The following OLA1 variants were observed in gnomAD, a reference collection of about 807,000 sequenced individuals.
OLA1 encodes Obg like ATPase 1.
OLA1 carries 14 observed loss-of-function variants against 48.4 expected under a neutral mutation model. That is an observed-to-expected ratio of 0.29 (90% confidence interval 0.19 to 0.45). The LOEUF is 0.45. OLA1 is among the 20% of genes least tolerant of loss of function. OLA1 has a pLI of 1.00. For synonymous variants in OLA1, 127 were observed against 150.4 expected (o/e 0.84, Z 1.14); for missense variants, 325 against 467.1 (o/e 0.70, Z 2.80).
At chr2:174,123,993 T>C (rs113352149) in intron 5 of OLA1, among the ~76,000 whole-genome samples, 2 of 152,258 alleles carry the variant, frequency 1.3e-5, no homozygotes, top group African/African-American at 4.8e-5. Flanking sequence ...TGATGCCATA[T>C]AGAAGACAAA....
intron 5 of OLA1, among the ~76,000 whole-genome samples, chr2:174,133,703 T>C (rs939423213): frequency 3.9e-5 from 6 of 152,194 alleles, no homozygotes; most frequent in Non-Finnish European, 7.3e-5. Context: ...AGCATCTGTA[T>C]TTAAGGTGTG....
chr2:174,242,813 T>C (rs1450781960), intron 2 of OLA1, among the ~76,000 whole-genome samples: 1 of 152,080 alleles, frequency 6.6e-6, no homozygotes, highest in East Asian at 1.9e-4. Flanking sequence ...ACCACAATAA[T>C]ACACTGCTCC....
At chr2:174,182,593 T>C (rs944282921) in intron 4 of OLA1, among the ~76,000 whole-genome samples, 1 of 152,152 alleles carries the variant, frequency 6.6e-6, no homozygotes, top group Non-Finnish European at 1.5e-5. Flanking sequence ...GAGGTATAAA[T>C]GGGTGTTGAG....
chr2:174,161,507 C>T lies in OLA1; in HGVS notation c.374-19507G>A, dbSNP rs993095935. Among the ~76,000 whole-genome samples, 20 of 152,120 alleles carry T rather than the reference C, an allele frequency of 1.3e-4. No individual in the cohort carries two copies. In the Middle Eastern group the frequency reaches 0.01, roughly 78 times the overall value. On this transcript the variant is annotated intron_variant, in intron 4 of 10. Coordinates refer to ENST00000284719, the MANE Select transcript of OLA1 (RefSeq NM_013341.5). Reference sequence around the variant, plus strand: ...TATATTGACCAGGAGCAGTGGTTCACGCCTATAATTAGCCAGGTATGGCAG... The same window carrying T: ...TATATTGACCAGGAGCAGTGGTTCATGCCTATAATTAGCCAGGTATGGCAG...
intron 4 of OLA1, among the ~76,000 whole-genome samples, chr2:174,147,358 CAG>C (rs200720110): frequency 0.055 from 8,348 of 151,992 alleles, 303 homozygotes; most frequent in Middle Eastern, 0.15. Context: ...ACCCGGGAGG[CAG>C]AGGTTGCGGT....
intron 7 of OLA1, among the ~76,000 whole-genome samples, chr2:174,112,508 GC>G (rs775438404): frequency 1.9e-4 from 29 of 152,114 alleles, no homozygotes; most frequent in Non-Finnish European, 3.5e-4. Flanking sequence ...GTTTGAATGT[GC>G]CCCCCAAGGT....
intron 7 of OLA1, among the ~76,000 whole-genome samples, chr2:174,109,991 GT>G (rs1685608646): frequency 6.6e-6 from 1 of 150,886 alleles, no homozygotes; most frequent in Non-Finnish European, 1.5e-5. Context: ...AGTGTCTACT[GT>G]TTCCTTCTTT....
At chr2:174,088,821 A>G (rs1685039651) in intron 7 of OLA1, among the ~76,000 whole-genome samples, 1 of 151,938 alleles carries the variant, frequency 6.6e-6, no homozygotes, top group African/African-American at 2.4e-5. Context: ...GGCTACAGTG[A>G]GCTATAAGAG....
chr2:174,102,182 G>C lies in OLA1; in HGVS notation c.729-20118C>G, dbSNP rs568505611. ...CATCAATATCACCTGGGAGCACGCT[G>C]GACAACTGTCAGGCCCCATCTGAAT... On this transcript the variant is annotated intron_variant, in intron 7 of 10. Coordinates refer to ENST00000284719, the MANE Select transcript of OLA1 (RefSeq NM_013341.5). Among the ~76,000 whole-genome samples the C allele has an allele frequency of 7.2e-5, 11 of 152,072 alleles. No homozygotes were observed. In the East Asian group the frequency reaches 2.1e-3, roughly 30 times the overall value.
At chr2:174,201,777 C>T (rs1687995108) in intron 4 of OLA1, among the ~76,000 whole-genome samples, 1 of 152,072 alleles carries the variant, frequency 6.6e-6, no homozygotes, top group Non-Finnish European at 1.5e-5. Context: ...ACATTGTTAC[C>T]ATTCGTATCA....
chr2:174,194,018 C>T (rs1687832054), intron 4 of OLA1, among the ~76,000 whole-genome samples: 1 of 152,218 alleles, frequency 6.6e-6, no homozygotes, highest in Non-Finnish European at 1.5e-5. Context: ...GCACTTTCCT[C>T]TCCCCAACTG....
chr2:174,157,745 G>C (rs548250440), intron 4 of OLA1, among the ~76,000 whole-genome samples: 1 of 152,136 alleles, frequency 6.6e-6, no homozygotes, highest in South Asian at 2.1e-4. Flanking sequence ...ATGTAAGAGG[G>C]ATGACTCACC....
chr2:174,151,221 C>G (rs1275361401), intron 4 of OLA1, among the ~76,000 whole-genome samples: 1 of 152,110 alleles, frequency 6.6e-6, no homozygotes. Flanking sequence ...TCGCTGTTCT[C>G]TACATACGAT....
chr2:174,243,391 C>T (rs12693036), intron 2 of OLA1, among the ~76,000 whole-genome samples: 66,438 of 151,992 alleles, frequency 0.44, 14,636 homozygotes, highest in Middle Eastern at 0.5. Flanking sequence ...ATCATGCCAC[C>T]GCACTCCAGC....
intron 4 of OLA1, among the ~76,000 whole-genome samples, chr2:174,144,969 T>A (rs1326316286): frequency 3.9e-5 from 5 of 127,138 alleles, no homozygotes; most frequent in Admixed American, 2.5e-4. Flanking sequence ...TATATATATA[T>A]ATATATATAT....
intron 7 of OLA1, among the ~76,000 whole-genome samples, chr2:174,104,050 G>A (rs1685458680): frequency 6.6e-6 from 1 of 151,924 alleles, no homozygotes; most frequent in African/African-American, 2.4e-5. Context: ...AGCATATGCA[G>A]AGACTACTTT....
chr2:174,199,462 T>A (rs1413008267), intron 4 of OLA1, among the ~76,000 whole-genome samples: 1 of 151,978 alleles, frequency 6.6e-6, no homozygotes, highest in African/African-American at 2.4e-5. Flanking sequence ...GGTTGGGAGG[T>A]GGCAGGATTC....
chr2:174,150,088 G>A (rs565651764), intron 4 of OLA1, among the ~76,000 whole-genome samples: 2 of 152,170 alleles, frequency 1.3e-5, no homozygotes, highest in Non-Finnish European at 2.9e-5. Flanking sequence ...TGTGTTCCGC[G>A]AAAGTTCATG....
chr2:174,087,384 G>A (rs1450647874), intron 7 of OLA1, among the ~76,000 whole-genome samples: 1 of 151,768 alleles, frequency 6.6e-6, no homozygotes, highest in Non-Finnish European at 1.5e-5. Flanking sequence ...TCTGATTATT[G>A]TTTCTGGTGT....
Sources: gnomAD v4.1 joint callset for allele counts (sites outside exome capture counted in the v4.1 genomes callset) on GRCh38, gnomAD v4.1.1 for gene constraint, MANE v1.5 for transcripts, NCBI Gene and HGNC (gene_info 2026-07-23, HGNC 2026-07-21) for gene names.